Variants in HERC1 observed in about 807,000 individuals in gnomAD.
HERC1 encodes probable E3 ubiquitin-protein ligase HERC1.
In HERC1, 160 loss-of-function variants were observed where a neutral mutation model predicts 554.3. That is an observed-to-expected ratio of 0.29 (90% CI 0.25 to 0.33). The LOEUF is 0.33. HERC1 is among the 10% of genes least tolerant of loss of function. The pLI, the probability that HERC1 is intolerant of heterozygous loss-of-function variation, is 1.00. For missense variants in HERC1, 4,919 were observed against 5,918.5 expected, an observed-to-expected ratio of 0.83 and a Z score of 5.54; for synonymous variants, 2,175 against 2,131.7, an observed-to-expected ratio of 1.02 and a Z score of -0.56.
At chr15:63,729,088 C>T (rs1399839496) in intron 16 of HERC1, 148 bp downstream of exon 16, 2 of 757,166 alleles carry the variant, frequency 2.6e-6, no homozygotes, top group Non-Finnish European at 4.2e-6. Flanking sequence ...TAACACTACC[C>T]CCAAACCAAG....
chr15:63,642,920 GCT>G, intron 59 of HERC1, 35 bp downstream of exon 59: 11 of 1,223,798 alleles, frequency 9.0e-6, no homozygotes, highest in Non-Finnish European at 1.3e-5. Context: ...TTCCTTACAA[GCT>G]TACACCCTAT....
intron 22 of HERC1, 142 bp downstream of exon 22, chr15:63,716,160 T>C: frequency 1.4e-6 from 1 of 705,524 alleles, no homozygotes; most frequent in Non-Finnish European, 2.4e-6. Flanking sequence ...CCCTGTCAGC[T>C]AATACAAATT....
intron 24 of HERC1, among the ~76,000 whole-genome samples, chr15:63,710,807 C>T (rs1485239895): frequency 6.6e-6 from 1 of 152,146 alleles, no homozygotes; most frequent in African/African-American, 2.4e-5. Flanking sequence ...TAAGAAACAG[C>T]CAGTTAAGGC....
At chr15:63,623,319 G>A (rs1180435398) in intron 73 of HERC1, among the ~76,000 whole-genome samples, 1 of 152,232 alleles carries the variant, frequency 6.6e-6, no homozygotes, top group Non-Finnish European at 1.5e-5. Context: ...CTAATTTTAA[G>A]ACCAGTTCGT....
At chr15:63,629,570 C>T (rs1416832544) in intron 69 of HERC1, among the ~76,000 whole-genome samples, 3 of 152,194 alleles carry the variant, frequency 2.0e-5, no homozygotes, top group Non-Finnish European at 4.4e-5. Context: ...AGTGTTTCAG[C>T]AGCTAAGCAA....
chr15:63,775,664 G>A lies in HERC1; in HGVS notation c.-26-15C>T. 2 of 1,455,708 alleles carry A rather than the reference G, an allele frequency of 1.4e-6. No individual in the cohort carries two copies. The highest frequency in any genetic ancestry group is 1.9e-6 in the Non-Finnish European group (2 of 1,072,848). The allele number at this position is 1,455,708 out of a possible 1,614,324, so 90.2% of individuals were successfully genotyped here. A position where few individuals can be genotyped will look rare whatever the true frequency, so the allele number is the denominator to read the frequency against. On this transcript the variant is annotated splice_polypyrimidine_tract_variant and intron_variant, in intron 1 of 77. Transcript: ENST00000443617. The surrounding 1 kb of genome is among the most constrained non-coding windows in gnomAD (Gnocchi z 4.0). ...AGCCATTAGTCCTGCAAAGGGAGAA[G>A]AGAAAACAGTCAAAAACATACAGAG...
intron 1 of HERC1, among the ~76,000 whole-genome samples, chr15:63,818,284 T>C (rs1463082927): frequency 6.6e-6 from 1 of 152,162 alleles, no homozygotes; most frequent in Non-Finnish European, 1.5e-5. Flanking sequence ...CTGGAATTTA[T>C]TGTCAGCAGA....
Position 63,615,842 on chromosome 15 carries a change from G to C in HERC1, c.14020C>G (p.Pro4674Ala), listed in dbSNP as rs372357333. ...VPIIPGGNSI[P>A]LTFSNRKEYV... Reference sequence around the variant, plus strand: ...TCCTTCCTGTTGGAAAATGTGAGTGGGATACTATTTCCACCAGGGATTATA... The same window carrying C: ...TCCTTCCTGTTGGAAAATGTGAGTGCGATACTATTTCCACCAGGGATTATA... The change falls in exon 76 of 78, where the codon CCA (proline) becomes GCA (alanine). Residue 4674 changes from proline (P) to alanine (A), a missense_variant. By Grantham distance (27) the Pro-to-Ala change is conservative. Coordinates refer to ENST00000443617, the MANE Select transcript of HERC1 (RefSeq NM_003922.4). 1.2e-6 allele frequency: 2 copies of C among 1,606,810 alleles called. No individual in the cohort carries two copies. The highest frequency in any genetic ancestry group is 1.7e-6 in the Non-Finnish European group (2 of 1,177,124).
Position 63,659,916 on chromosome 15 carries a change from C to T in HERC1, c.9244G>A (p.Val3082Ile). The T allele has an allele frequency of 6.2e-7, 1 of 1,611,716 alleles. No homozygotes were observed. Among genetic ancestry groups the T allele is most frequent in the Non-Finnish European group, 8.5e-7 (1 of 1,177,922 alleles). ...CCAGTTAGCTTTTCATCTTCATCAACATCCAACATGTCCCAGTCTTCTGGA... is the reference window on the plus strand; with the variant it reads ...CCAGTTAGCTTTTCATCTTCATCAATATCCAACATGTCCCAGTCTTCTGGA... Reference protein sequence around the residue: ...VYEEDWDMLDVDEDEKLTGEE... With the variant: ...VYEEDWDMLDIDEDEKLTGEE... The change falls in exon 47 of 78, where the codon GTT becomes ATT. Residue 3082 changes from valine (V) to isoleucine (I), a missense_variant. This residue lies in a region of HERC1 where 1,963 missense variants were observed against 2,228.6 expected (regional missense o/e 0.88). Transcript: ENST00000443617.
At chr15:63,706,854 AAAT>A (rs1245844506) in intron 24 of HERC1, 23 bp from the exon 25 acceptor site, 82 of 1,465,648 alleles carry the variant, frequency 5.6e-5, no homozygotes, top group Non-Finnish European at 7.5e-5. Context: ...AAAAGTAAAT[AAAT>A]AAAATTTAGT....
At chr15:63,641,747 G>T in intron 59 of HERC1, 104 bp from the exon 60 acceptor site, 1 of 935,092 alleles carries the variant, frequency 1.1e-6, no homozygotes, top group Non-Finnish European at 1.5e-6. Flanking sequence ...GGACATCTTT[G>T]CTTTTTGGAT....
chr15:63,692,118 T>C lies in HERC1; in HGVS notation c.5830+293A>G. On this transcript the variant is annotated intron_variant, in intron 31 of 77. Coordinates refer to ENST00000443617, the MANE Select transcript of HERC1 (RefSeq NM_003922.4). The surrounding 1 kb of genome is among the most constrained non-coding windows in gnomAD (Gnocchi z 4.7). ...AGCAAGGTCGGAATCTGTGCTAAAA[T>C]ATCGTATTAAACAGGATGTTCTCTG... Among the ~76,000 whole-genome samples, 1 of 152,226 alleles carries C rather than the reference T, an allele frequency of 6.6e-6. No individual in the cohort carries two copies. Among genetic ancestry groups the C allele is most frequent in the Non-Finnish European group, 1.5e-5 (1 of 68,034 alleles).
intron 56 of HERC1, 74 bp from the exon 57 acceptor site, chr15:63,645,171 A>C (rs2069270156): frequency 6.5e-6 from 7 of 1,079,402 alleles, no homozygotes; most frequent in Non-Finnish European, 8.6e-6. Flanking sequence ...AATTGCAATC[A>C]ATTAAGATCT....
chr15:63,753,532 T>C (rs950818393), intron 7 of HERC1, among the ~76,000 whole-genome samples: 1 of 151,958 alleles, frequency 6.6e-6, no homozygotes. Context: ...GGACAAATCA[T>C]TAAAGAAGAA....
rs748880719 is a variant in HERC1, at chr15:63,753,042, T to G, written c.1818A>C (p.Lys606Asn). ...ACATTCCTTGTAAAGCTTCAATAAC[T>G]TTAGGTTTATACACTCTGTTGGTAT... Reference protein sequence around the residue: ...HGDTNRVYKPKVIEALQGMFI... With the variant: ...HGDTNRVYKPNVIEALQGMFI... The change falls in exon 8 of 78, where the codon AAA becomes AAC. Residue 606 changes from lysine to asparagine, a missense_variant. Lys to Asn is a moderately conservative substitution (Grantham distance 94). Coordinates refer to ENST00000443617, the MANE Select transcript of HERC1 (RefSeq NM_003922.4). 6.2e-7 allele frequency: 1 copy of G among 1,613,014 alleles called. No individual in the cohort carries two copies. The highest frequency in any genetic ancestry group is 1.7e-5 in the Admixed American group (1 of 59,898).
intron 33 of HERC1, 80 bp downstream of exon 33, chr15:63,689,508 CA>C: frequency 2.8e-6 from 2 of 717,970 alleles, no homozygotes; most frequent in Non-Finnish European, 4.6e-6. Flanking sequence ...CAAGGTGCCT[CA>C]GAGGAACAGG....
In HERC1 at chr15:63,783,428, A is replaced by G. The variant is rs142923015; in HGVS notation, c.-26-7779T>C. ...TTTAGCAAAAAAAAAAGTATTTTTT[A>G]ATTAAGGTACATACATTGCTTTTCT... On this transcript the variant is annotated intron_variant, in intron 1 of 77. Transcript: ENST00000443617. 2.7e-3 allele frequency among the ~76,000 whole-genome samples: 404 copies of G among 152,320 alleles called. 1 individual carries two copies. Among genetic ancestry groups the G allele is most frequent in the Non-Finnish European group, 3.4e-3 (228 of 68,026 alleles).
intron 1 of HERC1, among the ~76,000 whole-genome samples, chr15:63,806,841 C>T (rs2077154953): frequency 6.6e-6 from 1 of 152,200 alleles, no homozygotes. Flanking sequence ...GTGATCTCAG[C>T]TCACTCTTCA....
At chr15:63,763,246 T>C (rs1421169496) in intron 3 of HERC1, among the ~76,000 whole-genome samples, 2 of 152,156 alleles carry the variant, frequency 1.3e-5, no homozygotes, top group South Asian at 2.1e-4. Flanking sequence ...TAGAATATCA[T>C]ATTTTTGCAA....
Sources: gnomAD v4.1 joint callset for allele counts (sites outside exome capture counted in the v4.1 genomes callset) on GRCh38, gnomAD v4.1.1 for gene constraint, gnomAD v4.1.1 regional missense constraint, Gnocchi (gnomAD v3.1) non-coding constraint, MANE v1.5 for transcripts, NCBI Gene and HGNC (gene_info 2026-07-23, HGNC 2026-07-21) for gene names.